MAF: variants seen among roughly 807,000 people sequenced by gnomAD.
The protein encoded by MAF is transcription factor Maf.
Under a neutral mutation model 22.0 loss-of-function variants are expected in MAF, and 10 were observed. That is an observed-to-expected ratio of 0.45 (90% CI 0.28 to 0.77). MAF has a LOEUF of 0.77. MAF is among the 30% of genes least tolerant of loss of function. The probability of loss-of-function intolerance (pLI) is 0.12; values close to 1 mark genes in which losing one functional copy is unlikely to be tolerated. For missense variants in MAF, 544 were observed against 548.4 expected, an observed-to-expected ratio of 0.99 and a Z score of 0.08; for synonymous variants, 337 against 255.8, an observed-to-expected ratio of 1.32 and a Z score of -3.03.
the MAF span, among the ~76,000 whole-genome samples, chr16:79,580,004 C>T: frequency 6.6e-6 from 1 of 152,036 alleles, no homozygotes; most frequent in Non-Finnish European, 1.5e-5. Flanking sequence ...TAATATTACC[C>T]CTCTCAAACA....
At chr16:79,443,076 T>A in the MAF span, among the ~76,000 whole-genome samples, 1 of 152,218 alleles carries the variant, frequency 6.6e-6, no homozygotes. Flanking sequence ...GTAACAAGTG[T>A]AAGATCATTC....
chr16:79,255,600 G>T, the MAF span, among the ~76,000 whole-genome samples: 1 of 152,194 alleles, frequency 6.6e-6, no homozygotes, highest in Non-Finnish European at 1.5e-5. Flanking sequence ...GCCCTTAGCT[G>T]AGGGGGTCAC....
At chr16:79,374,453 T>C in the MAF span, among the ~76,000 whole-genome samples, 1 of 152,232 alleles carries the variant, frequency 6.6e-6, no homozygotes, top group Non-Finnish European at 1.5e-5. Context: ...CTCTCCTGAA[T>C]TGCGGCAATT....
At chr16:79,471,387 A>G in the MAF span, among the ~76,000 whole-genome samples, 1 of 152,210 alleles carries the variant, frequency 6.6e-6, no homozygotes, top group Non-Finnish European at 1.5e-5. Flanking sequence ...GCAGAGCACA[A>G]TGGCTCATGC....
At chr16:79,224,835 A>T in the MAF span, among the ~76,000 whole-genome samples, 3 of 152,220 alleles carry the variant, frequency 2.0e-5, no homozygotes, top group African/African-American at 7.2e-5. Flanking sequence ...AAGGAGAACT[A>T]CAAACCACTG....
the MAF span, among the ~76,000 whole-genome samples, chr16:79,393,386 C>G: frequency 6.6e-6 from 1 of 152,176 alleles, no homozygotes; most frequent in East Asian, 1.9e-4. Context: ...GACAGGATTC[C>G]TAGGCAAAGT....
the MAF span, among the ~76,000 whole-genome samples, chr16:79,473,662 A>G: frequency 1.3e-5 from 2 of 152,164 alleles, no homozygotes; most frequent in Non-Finnish European, 2.9e-5. Context: ...CGGGGTGAGC[A>G]TGTCTTTATG....
chr16:79,355,773 G>A, the MAF span, among the ~76,000 whole-genome samples: 1 of 152,038 alleles, frequency 6.6e-6, no homozygotes, highest in Admixed American at 6.5e-5. Flanking sequence ...CAACTCTCCC[G>A]GCCTCCACTA....
the MAF span, among the ~76,000 whole-genome samples, chr16:79,432,280 C>T: frequency 1.3e-5 from 2 of 152,108 alleles, no homozygotes; most frequent in Non-Finnish European, 2.9e-5. Context: ...CTGAGGCCTC[C>T]CTAGCCATGC....
the MAF span, among the ~76,000 whole-genome samples, chr16:79,254,686 T>C: frequency 6.6e-6 from 1 of 152,116 alleles, no homozygotes; most frequent in Non-Finnish European, 1.5e-5. Context: ...CCTGGATTAT[T>C]CTCCCAGAGA....
At chr16:79,489,890 G>C in the MAF span, among the ~76,000 whole-genome samples, 4 of 152,252 alleles carry the variant, frequency 2.6e-5, no homozygotes, top group African/African-American at 9.6e-5. Context: ...GGGTGGTCAG[G>C]GCCCCGGCAA....
chr16:79,242,072 C>G, the MAF span, among the ~76,000 whole-genome samples: 1 of 152,040 alleles, frequency 6.6e-6, no homozygotes, highest in South Asian at 2.1e-4. Flanking sequence ...CAACTGGTAC[C>G]AGTCAATGCA....
At chr16:79,274,643 G>C in the MAF span, among the ~76,000 whole-genome samples, 1 of 152,116 alleles carries the variant, frequency 6.6e-6, no homozygotes, top group East Asian at 1.9e-4. Context: ...ACTGATTCTG[G>C]AGCCCAGGGA....
intron 1 of MAF, among the ~76,000 whole-genome samples, chr16:79,587,087 C>G (rs1274539734): frequency 6.6e-6 from 1 of 152,182 alleles, no homozygotes; most frequent in Non-Finnish European, 1.5e-5. Context: ...CCTCTAATTC[C>G]TTCAAATGCC....
chr16:79,550,962 C>A, the MAF span, among the ~76,000 whole-genome samples: 5 of 152,138 alleles, frequency 3.3e-5, no homozygotes, highest in Admixed American at 2.0e-4. Context: ...TAGCCAGGAC[C>A]GTGGTTCCTT....
chr16:79,481,769 G>C, the MAF span, among the ~76,000 whole-genome samples: 1 of 152,110 alleles, frequency 6.6e-6, no homozygotes, highest in Non-Finnish European at 1.5e-5. Flanking sequence ...TATGTTTTGA[G>C]CTCCTTCTGC....
the MAF span, among the ~76,000 whole-genome samples, chr16:79,373,927 A>T: frequency 6.6e-6 from 1 of 152,342 alleles, no homozygotes; most frequent in Non-Finnish European, 1.5e-5. Flanking sequence ...GGAATCAATA[A>T]ATAACTGAAT....
the MAF span, among the ~76,000 whole-genome samples, chr16:79,413,170 T>A: frequency 1.3e-5 from 2 of 150,212 alleles, no homozygotes; most frequent in Non-Finnish European, 3.0e-5. Flanking sequence ...GGAGTTAGAT[T>A]TGTGCTCCAA....
chr16:79,373,144 C>T, the MAF span, among the ~76,000 whole-genome samples: 1 of 152,032 alleles, frequency 6.6e-6, no homozygotes, highest in Admixed American at 6.6e-5. Flanking sequence ...CATCTCTTTT[C>T]CCTCATCCTT....
Sources: gnomAD v4.1 joint callset for allele counts (sites outside exome capture counted in the v4.1 genomes callset) on GRCh38, gnomAD v4.1.1 for gene constraint, MANE v1.5 for transcripts, NCBI Gene and HGNC (gene_info 2026-07-23, HGNC 2026-07-21) for gene names.